CYTH4: variants seen among roughly 807,000 people sequenced by gnomAD.
CYTH4 encodes the protein cytohesin-4.
In CYTH4, 22 loss-of-function variants were observed where a neutral mutation model predicts 57.5. The observed-to-expected ratio is 0.38, with a 90% CI of 0.27 to 0.55. CYTH4 has a LOEUF of 0.55. CYTH4 is among the 20% of genes least tolerant of loss of function. CYTH4 has a pLI of 0.74. For missense variants in CYTH4, 420 were observed against 535.6 expected, an observed-to-expected ratio of 0.78 and a Z score of 2.13; for synonymous variants, 186 against 206.5, an observed-to-expected ratio of 0.90 and a Z score of 0.85.
chr22:37,313,361 C>G, intron 12 of CYTH4, 78 bp from the exon 13 acceptor site: 1 of 1,430,082 alleles, frequency 7.0e-7, no homozygotes, highest in Non-Finnish European at 9.8e-7. Context: ...AATCCCATGC[C>G]CCTGATACAA....
intron 6 of CYTH4, 50 bp from the exon 7 acceptor site, chr22:37,300,857 C>A: frequency 6.6e-7 from 1 of 1,509,270 alleles, no homozygotes; most frequent in Non-Finnish European, 9.1e-7. Context: ...TTGTCTGGGG[C>A]CCGCGAGGGC....
chr22:37,310,958 T>C, intron 9 of CYTH4, 30 bp from the exon 10 acceptor site: 1 of 1,613,116 alleles, frequency 6.2e-7, no homozygotes. Flanking sequence ...GGAGGAGGAC[T>C]GACCAGCTTG....
intron 8 of CYTH4, among the ~76,000 whole-genome samples, chr22:37,305,607 C>CGTGGAT (rs2047489623): frequency 6.6e-6 from 1 of 152,164 alleles, no homozygotes; most frequent in African/African-American, 2.4e-5. Context: ...CAGGCAGCTG[C>CGTGGAT]GTGGATGTGG....
chr22:37,297,704 GC>G, intron 5 of CYTH4, 22 bp downstream of exon 5: 2 of 1,600,096 alleles, frequency 1.2e-6, no homozygotes, highest in African/African-American at 1.3e-5. Context: ...TGGAGCCTTA[GC>G]GAGGCAGGAA....
At position 37,315,181 on chromosome 22, in the gene CYTH4, G is replaced by A. The variant is rs1929813768; in HGVS notation, c.*1670G>A. ...CTAGGGGTCAGGGGTCAGAGATTCT[G>A]TCCTGCTCCTGGGATGCACTGGCTA... On this transcript the variant is annotated 3_prime_UTR_variant, in exon 13 of 13. Transcript: ENST00000248901. 1 of 152,352 alleles carries A rather than the reference G, an allele frequency of 6.6e-6. No individual in the cohort carries two copies. Among genetic ancestry groups the A allele is most frequent in the African/African-American group, 2.4e-5 (1 of 41,434 alleles). 9.4% of individuals were successfully genotyped at this position (152,352 alleles called of 1,614,324 possible).
chr22:37,304,219 A>G (rs1249491360), intron 8 of CYTH4: 1 of 456,608 alleles, frequency 2.2e-6, no homozygotes, highest in East Asian at 6.9e-5. Flanking sequence ...GGACATTTCA[A>G]AAAGAAGAAG....
At chr22:37,293,589 C>T (rs1023230084) in intron 2 of CYTH4, among the ~76,000 whole-genome samples, 11 of 152,248 alleles carry the variant, frequency 7.2e-5, no homozygotes, top group African/African-American at 1.9e-4. Flanking sequence ...GGAGCTGACA[C>T]GGCTCAGACA....
Position 37,311,056 on chromosome 22 carries a change from T to A in CYTH4, c.877T>A (p.Phe293Ile). 6.2e-7 allele frequency: 1 copy of A among 1,614,086 alleles called. No homozygotes were observed. Among genetic ancestry groups the A allele is most frequent in the Non-Finnish European group, 8.5e-7 (1 of 1,179,992 alleles). The change falls in exon 10 of 13, where the codon TTC becomes ATC. Residue 293 changes from phenylalanine to isoleucine, a missense_variant. By Grantham distance (21) the Phe-to-Ile change is conservative. Coordinates refer to ENST00000248901, the MANE Select transcript of CYTH4 (RefSeq NM_013385.5). This position sits in a 1 kb window ranked among gnomAD's most constrained non-coding sequence, Gnocchi z 4.4. ...LTDNCLYYFE[F>I]TTDKEPRGII... ...CGACAACTGCCTCTACTACTTCGAG[T>A]TCACCACTGTGAGCAGGGTTCTCCT...
rs1056806019 is a variant in CYTH4 at position 37,298,695 on chromosome 22, C to A, written c.354-531C>A. On this transcript the variant is annotated intron_variant, in intron 5 of 12. Coordinates refer to ENST00000248901, the MANE Select transcript of CYTH4 (RefSeq NM_013385.5). This position sits in a 1 kb window ranked among gnomAD's most constrained non-coding sequence, Gnocchi z 4.1. ...GCAAAGGACTGGTCTGAGGGGTGGG[C>A]GAGTGGATAGGGGTGAAGCTGGACC... Among the ~76,000 whole-genome samples the A allele has an allele frequency of 6.6e-6, 1 of 151,930 alleles. No individual in the cohort carries two copies. The highest frequency in any genetic ancestry group is 2.1e-4 in the South Asian group (1 of 4,818).
intron 1 of CYTH4, among the ~76,000 whole-genome samples, chr22:37,283,803 G>A (rs1452896178): frequency 1.3e-5 from 2 of 152,124 alleles, no homozygotes; most frequent in Non-Finnish European, 2.9e-5. Context: ...ACAGCTTGGG[G>A]GCACCTGGTT....
chr22:37,297,129 C>G (rs1292212270), intron 4 of CYTH4, among the ~76,000 whole-genome samples: 1 of 152,172 alleles, frequency 6.6e-6, no homozygotes, highest in Non-Finnish European at 1.5e-5. Flanking sequence ...TTGGATTGAG[C>G]TGGTTTTTCT....
chr22:37,304,126 C>G (rs1929305806), intron 8 of CYTH4: 1 of 455,306 alleles, frequency 2.2e-6, no homozygotes, highest in African/African-American at 2.0e-5. Flanking sequence ...GGGTGCCATC[C>G]TGGAAGTCTT....
chr22:37,310,899 G>A lies in CYTH4; in HGVS notation c.809-89G>A, dbSNP rs1455205427. 2.2e-5 allele frequency: 31 copies of A among 1,414,876 alleles called. No individual in the cohort carries two copies. The Middle Eastern group carries it at 5.3e-4, about 24-fold the overall frequency. The allele number at this position is 1,414,876 out of a possible 1,614,324, so 87.6% of individuals were successfully genotyped here. A position where few individuals can be genotyped will look rare whatever the true frequency, so the allele number is the denominator to read the frequency against. On this transcript the variant is annotated intron_variant, in intron 9 of 12. Coordinates refer to ENST00000248901, the MANE Select transcript of CYTH4 (RefSeq NM_013385.5). ...AGGGCACTCAGCTGGGGGTCCAGGG[G>A]AAAGCATCCGAGGACCTGCCCTTCC...
chr22:37,291,276 AC>A (rs1332684860), intron 1 of CYTH4, among the ~76,000 whole-genome samples: 1 of 152,138 alleles, frequency 6.6e-6, no homozygotes, highest in East Asian at 1.9e-4. Context: ...CTGCCTGGGG[AC>A]CTGGGCTCCA....
In CYTH4 at chr22:37,309,337, A is replaced by C; in HGVS notation, c.808+14A>C. The C allele has an allele frequency of 8.7e-6, 14 of 1,608,894 alleles. No homozygotes were observed. The highest frequency in any genetic ancestry group is 1.2e-5 in the Non-Finnish European group (14 of 1,175,248). Reference sequence around the variant, plus strand: ...TGCTCAAGCTAGGTGAGAGACCGACAGACACACGTCGTCGCACACACACTC... The same window carrying C: ...TGCTCAAGCTAGGTGAGAGACCGACCGACACACGTCGTCGCACACACACTC... On this transcript the variant is annotated intron_variant, in intron 9 of 12. Transcript: ENST00000248901.
At chr22:37,304,033 C>T (rs1169202615) in intron 8 of CYTH4, 2 of 398,846 alleles carry the variant, frequency 5.0e-6, no homozygotes, top group African/African-American at 4.1e-5. Flanking sequence ...CTGCATGATT[C>T]ATGCGGTGCT....
chr22:37,284,956 G>A (rs1275276682), intron 1 of CYTH4, among the ~76,000 whole-genome samples: 5 of 141,518 alleles, frequency 3.5e-5, no homozygotes, highest in African/African-American at 7.5e-5. Context: ...GTGGGGGGGC[G>A]GCGGGGGAGG....
intron 7 of CYTH4, among the ~76,000 whole-genome samples, chr22:37,302,354 A>G (rs1929215085): frequency 6.6e-6 from 1 of 152,182 alleles, no homozygotes; most frequent in Non-Finnish European, 1.5e-5. Flanking sequence ...TCACGGTCCA[A>G]TTACTTCTTA....
intron 4 of CYTH4, 23 bp from the exon 5 acceptor site, chr22:37,297,541 C>T (rs1218164080): frequency 1.1e-5 from 17 of 1,605,788 alleles, no homozygotes; most frequent in Non-Finnish European, 1.4e-5. Flanking sequence ...CAGCTGCTCA[C>T]GGCTTCTGTG....
Sources: gnomAD v4.1 joint callset for allele counts (sites outside exome capture counted in the v4.1 genomes callset) on GRCh38, gnomAD v4.1.1 for gene constraint, Gnocchi (gnomAD v3.1) non-coding constraint, MANE v1.5 for transcripts, NCBI Gene and HGNC (gene_info 2026-07-23, HGNC 2026-07-21) for gene names.